The following SRFBP1 variants were observed in gnomAD, a reference collection of about 807,000 sequenced individuals.
SRFBP1 encodes serum response factor-binding protein 1.
SRFBP1 carries 47 observed loss-of-function variants against 45.5 expected under a neutral mutation model. The observed-to-expected ratio is 1.03, with a 90% CI of 0.82 to 1.32. The LOEUF (loss-of-function observed/expected upper bound fraction) is 1.32. SRFBP1 is among the 40% of genes most tolerant of loss of function. The pLI is 0.00. For missense variants in SRFBP1, 621 were observed against 484.6 expected (o/e 1.28, Z -2.64); for synonymous variants, 203 against 166.3 (o/e 1.22, Z -1.70).
intron 3 of SRFBP1, 27 bp from the exon 4 acceptor site, chr5:121,994,572 A>T (rs759392805): frequency 1.3e-6 from 2 of 1,508,570 alleles, no homozygotes; most frequent in Non-Finnish European, 1.8e-6. Flanking sequence ...CACATAACTA[A>T]AATTAATTTG....
At position 122,019,125 on chromosome 5, in the gene SRFBP1, T is replaced by C. The variant is rs1753243336; in HGVS notation, c.271-135T>C. On this transcript the variant is annotated intron_variant, in intron 4 of 7. Coordinates refer to ENST00000339397, the MANE Select transcript of SRFBP1 (RefSeq NM_152546.3). ...GCATGGATTGATTATACAGATATCTTATCTAAGGAGAATATTAACTAGTTC... is the reference window on the plus strand; with the variant it reads ...GCATGGATTGATTATACAGATATCTCATCTAAGGAGAATATTAACTAGTTC... 4 of 717,398 alleles carry C rather than the reference T, an allele frequency of 5.6e-6. No individual in the cohort carries two copies. The East Asian group carries it at 8.6e-5, about 16-fold the overall frequency. 44.4% of individuals were successfully genotyped at this position (717,398 alleles called of 1,614,324 possible). A position where few individuals can be genotyped will look rare whatever the true frequency, so the allele number is the denominator to read the frequency against.
intron 3 of SRFBP1, among the ~76,000 whole-genome samples, chr5:121,980,755 TA>T (rs1752392011): frequency 6.6e-6 from 1 of 152,152 alleles, no homozygotes; most frequent in African/African-American, 2.4e-5. Flanking sequence ...GTTTTAACTT[TA>T]AACTATGTTT....
At chr5:122,050,486 A>T (rs138633508) in intron 2 of SRFBP1, among the ~76,000 whole-genome samples, 212 of 152,310 alleles carry the variant, frequency 1.4e-3, no homozygotes, top group Admixed American at 1.8e-3. Flanking sequence ...GTATGTGTCC[A>T]GGAATTTATC....
intron 2 of SRFBP1, among the ~76,000 whole-genome samples, chr5:122,060,196 C>G (rs1333372367): frequency 6.6e-6 from 1 of 151,890 alleles, no homozygotes; most frequent in Non-Finnish European, 1.5e-5. Context: ...GAAAGTCAGG[C>G]CTTAGATACT....
chr5:122,007,096 G>T (rs908909601), intron 4 of SRFBP1, among the ~76,000 whole-genome samples: 1 of 152,106 alleles, frequency 6.6e-6, no homozygotes, highest in Non-Finnish European at 1.5e-5. Context: ...ATTTTGGGCA[G>T]AGTGTCTGGC....
intron 2 of SRFBP1, among the ~76,000 whole-genome samples, chr5:122,036,850 A>G (rs1753701568): frequency 6.6e-6 from 1 of 151,506 alleles, no homozygotes; most frequent in Non-Finnish European, 1.5e-5. Flanking sequence ...AATCTGTGAT[A>G]AACGATGAGT....
rs191172894 is a variant in SRFBP1, at chr5:121,983,470, C to T, written c.198+8083C>T. 2.4e-3 allele frequency among the ~76,000 whole-genome samples: 362 copies of T among 151,814 alleles called. 3 individuals carry two copies. Among genetic ancestry groups the T allele is most frequent in the Non-Finnish European group, 6.6e-4 (45 of 67,704 alleles). ...ATCATGTTTAATCACTTACATTAAA[C>T]AAGCTATTTTGCCTTATTTTCTAAA... On this transcript the variant is annotated intron_variant, in intron 3 of 7. Transcript: ENST00000339397.
Position 121,995,727 on chromosome 5 carries a change from G to T in SRFBP1, c.270+1057G>T, listed in dbSNP as rs573624339. Among the ~76,000 whole-genome samples, 268 of 152,032 alleles carry T rather than the reference G, an allele frequency of 1.8e-3. 3 individuals are homozygous for T. The highest frequency in any genetic ancestry group is 6.4e-3 in the African/African-American group (264 of 41,476). ...CAAAAAATCAGTGAATCCAGGAGCT[G>T]GTTTTTTGAAAGGATCAACAAAATT... is the stretch of plus-strand genomic sequence containing the variant. On this transcript the variant is annotated intron_variant, in intron 4 of 7. Transcript: ENST00000339397.
At chr5:122,026,848 C>G (rs1031773700) in intron 7 of SRFBP1, 94 bp from the exon 8 acceptor site, 2 of 886,156 alleles carry the variant, frequency 2.3e-6, no homozygotes, top group Non-Finnish European at 3.2e-6. Context: ...AACAAAATTT[C>G]TTTTTTTAAC....
chr5:122,058,436 G>C, intron 2 of SRFBP1, among the ~76,000 whole-genome samples: 1 of 151,830 alleles, frequency 6.6e-6, no homozygotes, highest in East Asian at 1.9e-4. Flanking sequence ...GTCATAACTT[G>C]GGCAATGGCT....
chr5:121,992,409 T>G (rs564805227), intron 3 of SRFBP1, among the ~76,000 whole-genome samples: 6 of 151,862 alleles, frequency 4.0e-5, no homozygotes, highest in Non-Finnish European at 7.4e-5. Context: ...TTTTGTTTTG[T>G]TTTTTTTCTC....
chr5:122,075,344 C>T, exon 3 of SRFBP1: 1 of 1,450,054 alleles, frequency 6.9e-7, no homozygotes, highest in Non-Finnish European at 9.2e-7. Flanking sequence ...TTTGTGATAT[C>T]AAAAATCACC....
chr5:122,059,976 C>G (rs1388985606), intron 2 of SRFBP1, among the ~76,000 whole-genome samples: 1 of 152,036 alleles, frequency 6.6e-6, no homozygotes, highest in Non-Finnish European at 1.5e-5. Context: ...CTTGACCCTC[C>G]TTTTTGGAAC....
intron 4 of SRFBP1, among the ~76,000 whole-genome samples, chr5:122,011,558 A>G (rs1008145699): frequency 3.9e-5 from 6 of 152,116 alleles, no homozygotes; most frequent in Non-Finnish European, 8.8e-5. Flanking sequence ...TATTCCCTCT[A>G]TAAATCTCCA....
chr5:121,985,443 T>C (rs536991345), intron 3 of SRFBP1, among the ~76,000 whole-genome samples: 101 of 151,904 alleles, frequency 6.6e-4, no homozygotes, highest in African/African-American at 2.3e-3. Flanking sequence ...TAAAGGAAGA[T>C]AGTGATTTAA....
downstream of SRFBP1, among the ~76,000 whole-genome samples, chr5:122,028,809 G>T (rs1477672836): frequency 6.6e-6 from 1 of 152,172 alleles, no homozygotes; most frequent in African/African-American, 2.4e-5. Flanking sequence ...TGAAGTTGGG[G>T]TCACTATCCT....
chr5:121,989,765 CT>C (rs1277801617), intron 3 of SRFBP1, among the ~76,000 whole-genome samples: 7 of 152,126 alleles, frequency 4.6e-5, no homozygotes, highest in African/African-American at 1.7e-4. Flanking sequence ...TTCAGTGAGT[CT>C]TTTAAGTAGT....
intron 2 of SRFBP1, among the ~76,000 whole-genome samples, chr5:122,058,862 ATTAT>A (rs752399776): frequency 6.6e-6 from 1 of 152,176 alleles, no homozygotes; most frequent in African/African-American, 2.4e-5. Context: ...TGAAATGAGC[ATTAT>A]TTATTTATGC....
intron 4 of SRFBP1, among the ~76,000 whole-genome samples, chr5:121,996,200 GAC>G (rs879682584): frequency 1.4e-3 from 209 of 145,984 alleles, no homozygotes; most frequent in Non-Finnish European, 1.9e-3. Context: ...GCCTGGCAGA[GAC>G]ACAACAAAAA....
Sources: gnomAD v4.1 joint callset for allele counts (sites outside exome capture counted in the v4.1 genomes callset) on GRCh38, gnomAD v4.1.1 for gene constraint, MANE v1.5 for transcripts, NCBI Gene and HGNC (gene_info 2026-07-23, HGNC 2026-07-21) for gene names.